RAB27B: variants seen among roughly 807,000 people sequenced by gnomAD.
The protein encoded by RAB27B is ras-related protein Rab-27B.
In RAB27B, 15 loss-of-function variants were observed where a neutral mutation model predicts 24.6. The ratio of observed to expected loss-of-function variants is 0.61; its 90% CI spans 0.41 to 0.94. The LOEUF is 0.94. Among genes scored for constraint, RAB27B ranks in the 40% least tolerant of loss-of-function variants. The pLI is 0.00. For synonymous variants in RAB27B, 105 were observed against 92.5 expected (o/e 1.14, Z -0.78); for missense variants, 261 against 266.8 (o/e 0.98, Z 0.15).
chr18:54,799,647 T>G (rs1371272374), intron 2 of RAB27B, among the ~76,000 whole-genome samples: 1 of 66,608 alleles, frequency 1.5e-5, no homozygotes, highest in Non-Finnish European at 3.0e-5. Flanking sequence ...TTTTTTTTTT[T>G]TAGACAGAGT....
At chr18:54,750,367 T>C (rs562981261) in intron 2 of RAB27B, among the ~76,000 whole-genome samples, 1 of 152,340 alleles carries the variant, frequency 6.6e-6, no homozygotes, top group Admixed American at 6.5e-5. Context: ...GAATTTTTAA[T>C]GTTTAAAGTT....
At chr18:54,783,885 ATAGG>A (rs142629421) in intron 2 of RAB27B, among the ~76,000 whole-genome samples, 3,065 of 152,272 alleles carry the variant, frequency 0.02, 109 homozygotes, top group African/African-American at 0.069. Flanking sequence ...TCATAATTAC[ATAGG>A]TAGGAGCACA....
rs549800905 is a variant in RAB27B, at chr18:54,765,130, A to C, written c.-20+46989A>C. ...CAAAAAAAACCAAAAAGAAAACCAC[A>C]TGACTTTGGGAAGATTCTGGAGTTC... is the stretch of plus-strand genomic sequence containing the variant. On this transcript the variant is annotated intron_variant, in intron 2 of 4. Coordinates refer to the RAB27B transcript ENST00000586570. Among the ~76,000 whole-genome samples the C allele has an allele frequency of 2.6e-5, 4 of 152,304 alleles. No homozygotes were observed. In the South Asian group the frequency reaches 8.3e-4, roughly 32 times the overall value.
intron 2 of RAB27B, among the ~76,000 whole-genome samples, chr18:54,808,703 T>C (rs1909871607): frequency 6.6e-6 from 1 of 152,236 alleles, no homozygotes; most frequent in Non-Finnish European, 1.5e-5. Flanking sequence ...ATAATGATCA[T>C]GTGTACACAC....
Position 54,819,554 on chromosome 18 carries a change from A to T in RAB27B, c.-19-58013A>T, listed in dbSNP as rs577062763. On this transcript the variant is annotated intron_variant, in intron 2 of 4. Transcript: ENST00000586570. ...CTCAAAAAAAAAAAAAAAAGAAAAA[A>T]AAAAGAATAGATCATGTTCCACATA... is the stretch of plus-strand genomic sequence containing the variant. Among the ~76,000 whole-genome samples, 8 of 150,196 alleles carry T rather than the reference A, an allele frequency of 5.3e-5. No homozygotes were observed. In the South Asian group the frequency reaches 1.7e-3, roughly 31 times the overall value.
intron 5 of RAB27B, 150 bp from the exon 6 acceptor site, chr18:54,889,074 C>T: frequency 1.5e-6 from 1 of 687,606 alleles, no homozygotes. Flanking sequence ...GAGGAAAAAA[C>T]AAGGATGCTT....
intron 2 of RAB27B, chr18:54,744,951 T>G (rs1429837890): frequency 1.0e-5 from 2 of 199,518 alleles, no homozygotes; most frequent in African/African-American, 4.7e-5. Flanking sequence ...TCATCACTGT[T>G]GAAAGCCCTG....
chr18:54,788,764 A>G (rs1159802304), intron 2 of RAB27B, among the ~76,000 whole-genome samples: 2 of 149,778 alleles, frequency 1.3e-5, no homozygotes, highest in Admixed American at 6.6e-5. Flanking sequence ...TAGATCTCCC[A>G]ACAGTGGCAT....
chr18:54,833,133 A>G lies in RAB27B; in HGVS notation c.-20+4433A>G, dbSNP rs765527275. The stretch of plus-strand genomic sequence containing the variant: ...ACAGTGAGCCGAAGCTTGGGAAAAA[A>G]TGCTCAGGAGAGCAAAAGATTATTT... On this transcript the variant is annotated intron_variant, in intron 1 of 5. Transcript: ENST00000262094. Among the ~76,000 whole-genome samples the G allele has an allele frequency of 3.2e-4, 49 of 152,302 alleles. 1 individual carries two copies. The highest frequency in any genetic ancestry group is 3.4e-3 in the Middle Eastern group (1 of 294).
chr18:54,838,715 T>C (rs544634732), intron 1 of RAB27B, among the ~76,000 whole-genome samples: 1 of 152,276 alleles, frequency 6.6e-6, no homozygotes, highest in East Asian at 1.9e-4. Flanking sequence ...ATGGAGAACA[T>C]TTAAATGACT....
At chr18:54,842,005 C>G (rs1043633023) in intron 1 of RAB27B, among the ~76,000 whole-genome samples, 1 of 152,170 alleles carries the variant, frequency 6.6e-6, no homozygotes. Context: ...TAAATGGAGT[C>G]CAGTATTTGC....
chr18:54,881,493 C>T (rs907046969), intron 3 of RAB27B, among the ~76,000 whole-genome samples: 4 of 152,098 alleles, frequency 2.6e-5, no homozygotes, highest in African/African-American at 7.2e-5. Flanking sequence ...TCGGCCATAT[C>T]GGTTCCAGTC....
intron 2 of RAB27B, among the ~76,000 whole-genome samples, chr18:54,763,157 AAT>A (rs1000154125): frequency 1.3e-5 from 2 of 152,164 alleles, no homozygotes; most frequent in African/African-American, 2.4e-5. Flanking sequence ...GTAAATAAAT[AAT>A]ATAGACAAAA....
chr18:54,888,273 G>C, intron 5 of RAB27B, 155 bp downstream of exon 5: 1 of 760,958 alleles, frequency 1.3e-6, no homozygotes, highest in Non-Finnish European at 1.9e-6. Context: ...ATGTATTAAT[G>C]AATTACTTAA....
chr18:54,744,693 G>A (rs559106627), intron 2 of RAB27B: 1 of 152,216 alleles, frequency 6.6e-6, no homozygotes, highest in African/African-American at 2.4e-5. Flanking sequence ...ACCCAGAGAG[G>A]GTCCATATGA....
At chr18:54,872,289 A>C (rs1912502259) in intron 1 of RAB27B, among the ~76,000 whole-genome samples, 2 of 152,108 alleles carry the variant, frequency 1.3e-5, no homozygotes, top group African/African-American at 4.8e-5. Context: ...GATATATTCT[A>C]TTTTGAGAAG....
intron 1 of RAB27B, among the ~76,000 whole-genome samples, chr18:54,866,544 C>A (rs1329127753): frequency 6.6e-6 from 1 of 152,194 alleles, no homozygotes; most frequent in South Asian, 2.1e-4. Flanking sequence ...GTGATCCGCC[C>A]GCTTCGGCCT....
chr18:54,860,980 T>C (rs930349276), intron 1 of RAB27B, among the ~76,000 whole-genome samples: 1 of 152,224 alleles, frequency 6.6e-6, no homozygotes, highest in Non-Finnish European at 1.5e-5. Context: ...CATGGCTCTG[T>C]GAGTTATCTA....
intron 2 of RAB27B, among the ~76,000 whole-genome samples, chr18:54,730,685 G>A (rs562844279): frequency 4.0e-5 from 6 of 151,840 alleles, no homozygotes; most frequent in African/African-American, 9.7e-5. Flanking sequence ...TCACTCTCTC[G>A]CTCCCTCTCT....
Sources: allele counts gnomAD v4.1 joint callset (sites outside exome capture counted in the v4.1 genomes callset), GRCh38; gene constraint gnomAD v4.1.1; transcripts MANE v1.5; gene names NCBI Gene and HGNC (gene_info 2026-07-23, HGNC 2026-07-21).